Variants in SCN1A observed in about 807,000 individuals in gnomAD.
The protein encoded by SCN1A is sodium channel protein type 1 subunit alpha.
Under a neutral mutation model 193.7 loss-of-function variants are expected in SCN1A, and 13 were observed. The ratio of observed to expected loss-of-function variants is 0.07; its 90% confidence interval spans 0.04 to 0.11. SCN1A has a LOEUF of 0.11. Ranked by LOEUF, SCN1A falls within the 10% of genes least tolerant of loss-of-function variation. The pLI is 1.00. For missense variants in SCN1A, 1,432 were observed against 2,451.1 expected, an observed-to-expected ratio of 0.58 and a Z score of 8.78; for synonymous variants, 781 against 843.6, an observed-to-expected ratio of 0.93 and a Z score of 1.29.
chr2:166,003,311 A>T (rs1046364615), intron 23 of SCN1A, among the ~76,000 whole-genome samples: 3 of 151,594 alleles, frequency 2.0e-5, no homozygotes, highest in African/African-American at 4.8e-5. Context: ...GAAGCAAGAC[A>T]ATTTGCATTA....
chr2:166,119,138 G>A (rs952034026), intron 2 of SCN1A, among the ~76,000 whole-genome samples: 2 of 152,184 alleles, frequency 1.3e-5, no homozygotes, highest in East Asian at 3.9e-4. Context: ...CCTACTGTGC[G>A]ACCCAGTTCC....
intron 2 of SCN1A, among the ~76,000 whole-genome samples, chr2:166,119,295 A>G (rs1053761161): frequency 1.4e-4 from 22 of 152,014 alleles, no homozygotes; most frequent in African/African-American, 5.3e-4. Context: ...CACATCTCCA[A>G]ATGCAGCATT....
chr2:166,026,550 G>A (rs1181599084), intron 19 of SCN1A, among the ~76,000 whole-genome samples: 1 of 151,836 alleles, frequency 6.6e-6, no homozygotes, highest in Non-Finnish European at 1.5e-5. Flanking sequence ...AAATCAGTAA[G>A]GCCAATTAAT....
chr2:166,069,855 C>T (rs567157527), intron 4 of SCN1A, among the ~76,000 whole-genome samples: 23 of 152,256 alleles, frequency 1.5e-4, no homozygotes, highest in Admixed American at 7.8e-4. Context: ...TGGAAAATCT[C>T]GTCCTAATAA....
At position 166,036,185 on chromosome 2, in the gene SCN1A, C is replaced by T. The variant is rs1696335802; in HGVS notation, c.3292G>A (p.Asp1098Asn). 1 of 1,613,846 alleles carries T rather than the reference C, an allele frequency of 6.2e-7. No individual in the cohort carries two copies. The highest frequency in any genetic ancestry group is 1.3e-5 in the African/African-American group (1 of 74,898). The change falls in exon 19 of 29, where the codon GAT (aspartate) becomes AAT (asparagine). Residue 1098 changes from aspartate to asparagine, a missense_variant. Asp to Asn is a conservative substitution (Grantham distance 23). Around this residue, in one of 18 missense-constraint regions of SCN1A, gnomAD observed 198 missense variants for 225.8 expected, o/e 0.88. Coordinates refer to ENST00000674923, the MANE Select transcript of SCN1A (RefSeq NM_001165963.4). ...ATGAATGACATGTAATCACTTTCAT[C>T]AATAATGTATTTTTCAACACTGCTG... ...TGSSVEKYII[D>N]ESDYMSFINN... is the part of the protein sequence containing the mutation.
chr2:165,986,625 A>T lies in SCN1A; in HGVS notation c.*4620T>A, dbSNP rs1169112335. On this transcript the variant is annotated 3_prime_UTR_variant, in exon 29 of 29. Transcript: ENST00000674923. Reference sequence around the variant, plus strand: ...AGTAGATCTAATTTTGAAGGTAGAAATTATAAAGTCCAGGGCATACAAAAT... The same window carrying T: ...AGTAGATCTAATTTTGAAGGTAGAATTTATAAAGTCCAGGGCATACAAAAT... 2 of 151,356 alleles carry T rather than the reference A, an allele frequency of 1.3e-5. No individual in the cohort carries two copies. The highest frequency in any genetic ancestry group is 2.4e-5 in the African/African-American group (1 of 41,220). 9.4% of individuals were successfully genotyped at this position (151,356 alleles called of 1,614,324 possible).
At chr2:166,036,597 T>A in intron 18 of SCN1A, 67 bp from the exon 19 acceptor site, 1 of 1,509,988 alleles carries the variant, frequency 6.6e-7, no homozygotes, top group Non-Finnish European at 9.1e-7. Context: ...TACAATCACT[T>A]ATTCTTTCTT....
Position 166,043,958 on chromosome 2 carries a change from C to G in SCN1A, c.1754G>C (p.Gly585Ala), listed in dbSNP as rs1225530396. ...FSFRGRAKDVGSENDFADDEH... is the reference protein window; with the variant it reads ...FSFRGRAKDVASENDFADDEH... ...ATCATCTGCGAAGTCGTTCTCAGAT[C>G]CCACATCCTTTGCTCGCCCTCTAAA... Residue 585 changes from glycine to alanine, a missense_variant, in exon 14 of 29, where the codon GGA (glycine) becomes GCA (alanine). By Grantham distance (60) the Gly-to-Ala change is moderately conservative. Coordinates refer to ENST00000674923, the MANE Select transcript of SCN1A (RefSeq NM_001165963.4). 3 of 1,614,174 alleles carry G rather than the reference C, an allele frequency of 1.9e-6. No individual in the cohort carries two copies. The highest frequency in any genetic ancestry group is 2.5e-6 in the Non-Finnish European group (3 of 1,180,024).
chr2:166,043,444 A>G (rs531252929), intron 14 of SCN1A, among the ~76,000 whole-genome samples: 16 of 152,362 alleles, frequency 1.1e-4, no homozygotes, highest in African/African-American at 3.8e-4. Context: ...TATTGTGTCT[A>G]ATCAATCCTT....
intron 1 of SCN1A, among the ~76,000 whole-genome samples, chr2:166,133,238 A>G (rs1691728881): frequency 6.6e-6 from 1 of 152,162 alleles, no homozygotes; most frequent in South Asian, 2.1e-4. Flanking sequence ...CCTGCTATCG[A>G]GACAACGCAC....
intron 19 of SCN1A, among the ~76,000 whole-genome samples, chr2:166,032,643 A>G (rs1448075174): frequency 6.6e-6 from 1 of 152,174 alleles, no homozygotes; most frequent in Non-Finnish European, 1.5e-5. Flanking sequence ...ATAAAAAGAA[A>G]GCCAGATTCA....
At position 166,046,993 on chromosome 2, in the gene SCN1A, C is replaced by T; in HGVS notation, c.1171-17G>A. On this transcript the variant is annotated splice_polypyrimidine_tract_variant and intron_variant, in intron 11 of 28. Coordinates refer to ENST00000674923, the MANE Select transcript of SCN1A (RefSeq NM_001165963.4). ...ACGTAATGTCTGCAAACAAAAATATCAGAATTATTTCTCAATATTATTTCA... is the reference window on the plus strand; with the variant it reads ...ACGTAATGTCTGCAAACAAAAATATTAGAATTATTTCTCAATATTATTTCA... 6.2e-7 allele frequency: 1 copy of T among 1,610,344 alleles called. No individual in the cohort carries two copies. Among genetic ancestry groups the T allele is most frequent in the South Asian group, 1.1e-5 (1 of 91,016 alleles).
Position 166,089,947 on chromosome 2 carries a change from CCTT to C in SCN1A, c.-141-12149_-141-12147del, listed in dbSNP as rs559584409. ...GCATCTTTGCACATTAAGGACTCCT[CCTT>C]TATTTTATCACTTCGCTTTAACTCC... is the stretch of plus-strand genomic sequence containing the variant. On this transcript the variant is annotated intron_variant, in intron 2 of 28. Coordinates refer to ENST00000674923, the MANE Select transcript of SCN1A (RefSeq NM_001165963.4). Among the ~76,000 whole-genome samples the C allele has an allele frequency of 9.9e-5, 15 of 151,266 alleles. No homozygotes were observed. In the East Asian group the frequency reaches 2.3e-3, roughly 23 times the overall value.
rs966099155 is a variant in SCN1A, at chr2:165,987,006, T to C, written c.*4239A>G. The C allele has an allele frequency of 2.6e-5, 4 of 151,426 alleles. No individual in the cohort carries two copies. Among genetic ancestry groups the C allele is most frequent in the Admixed American group, 2.6e-4 (4 of 15,240 alleles). The allele number at this position is 151,426 out of a possible 1,614,324, so 9.4% of individuals were successfully genotyped here. On this transcript the variant is annotated 3_prime_UTR_variant, in exon 29 of 29. Transcript: ENST00000674923. ...CAAATTTATTCAACTTTCCCAATAATATTATTTATCTGTTATTTTTTAATT... is the reference window on the plus strand; with the variant it reads ...CAAATTTATTCAACTTTCCCAATAACATTATTTATCTGTTATTTTTTAATT...
upstream of SCN1A, among the ~76,000 whole-genome samples, chr2:166,128,389 A>G (rs1691478438): frequency 1.3e-5 from 2 of 152,200 alleles, no homozygotes; most frequent in Non-Finnish European, 2.9e-5. Flanking sequence ...ATCTATAAAA[A>G]TGATATATCT....
chr2:166,105,418 T>A (rs1282821712), intron 2 of SCN1A, among the ~76,000 whole-genome samples: 4 of 152,234 alleles, frequency 2.6e-5, no homozygotes, highest in Non-Finnish European at 5.9e-5. Context: ...CATTAAAACT[T>A]CTACATATGT....
intron 1 of SCN1A, among the ~76,000 whole-genome samples, chr2:166,145,179 G>GAT (rs1558918894): frequency 1.7e-4 from 1 of 5,758 alleles, no homozygotes; most frequent in African/African-American, 9.6e-3. Flanking sequence ...TTTTTGTGGG[G>GAT]GACAGAGTCT....
Position 165,990,667 on chromosome 2 carries a change from G to A in SCN1A, c.*578C>T, listed in dbSNP as rs1401778645. The A allele has an allele frequency of 6.5e-6, 1 of 153,466 alleles. No individual in the cohort carries two copies. The highest frequency in any genetic ancestry group is 2.4e-5 in the African/African-American group (1 of 41,390). The allele number at this position is 153,466 out of a possible 1,614,324, so 9.5% of individuals were successfully genotyped here. On this transcript the variant is annotated 3_prime_UTR_variant, in exon 29 of 29. Coordinates refer to ENST00000674923, the MANE Select transcript of SCN1A (RefSeq NM_001165963.4). ...ACTTTTTCTCATGCATGATCTCTAA[G>A]TGCAGCATGCCCTCATGCAAACCAC...
intron 9 of SCN1A, among the ~76,000 whole-genome samples, chr2:166,051,098 G>A (rs1698509535): frequency 6.6e-6 from 1 of 151,884 alleles, no homozygotes; most frequent in Admixed American, 6.6e-5. Context: ...AATCACCACA[G>A]GAAGAATGTA....
Sources: gnomAD v4.1 joint callset for allele counts (sites outside exome capture counted in the v4.1 genomes callset) on GRCh38, gnomAD v4.1.1 for gene constraint, gnomAD v4.1.1 regional missense constraint, MANE v1.5 for transcripts, NCBI Gene and HGNC (gene_info 2026-07-23, HGNC 2026-07-21) for gene names.